CENPI: variants seen among roughly 807,000 people sequenced by gnomAD.
The protein encoded by CENPI is FSH primary response 1.
CENPI carries 4 observed loss-of-function variants against 60.4 expected under a neutral mutation model. The observed-to-expected ratio is 0.07, with a 90% CI of 0.03 to 0.15. The LOEUF (loss-of-function observed/expected upper bound fraction) is 0.15, where lower values mean the gene tolerates loss of function less well. Among genes scored for constraint, CENPI ranks in the 10% least tolerant of loss-of-function variants. The pLI is 1.00. For missense variants in CENPI, 444 were observed against 534.5 expected (o/e 0.83, Z 1.67); for synonymous variants, 157 against 189.4 (o/e 0.83, Z 1.40).
At chrX:101,157,764 T>C (rs1460012046) in intron 20 of CENPI, among the ~76,000 whole-genome samples, 5 of 109,630 alleles carry the variant, frequency 4.6e-5, no homozygotes, top group Non-Finnish European at 7.6e-5. Context: ...TTAGAGTAAA[T>C]GGGATATCTA....
In CENPI at chrX:101,140,600, G is replaced by T. The variant is rs989099769; in HGVS notation, c.1471-66G>T. 6.0e-5 allele frequency: 48 copies of T among 795,596 alleles called. No homozygotes were observed. The highest frequency in any genetic ancestry group is 2.8e-4 in the Middle Eastern group (1 of 3,510). The allele number at this position is 795,596 out of a possible 1,213,427, so 65.6% of individuals were successfully genotyped here. A position where few individuals can be genotyped will look rare whatever the true frequency, so the allele number is the denominator to read the frequency against. ...TGGTCCTTTTCATCTCTAAGCCTCT[G>T]TTAGTTCTGAACACTGTTATGTCTG... On this transcript the variant is annotated intron_variant, in intron 15 of 21. Transcript: ENST00000682095.
chrX:101,171,749 A>ATAGCT, the CENPI span, among the ~76,000 whole-genome samples: 1 of 112,097 alleles, frequency 8.9e-6, no homozygotes, highest in East Asian at 2.8e-4. Context: ...TAGATAAAAC[A>ATAGCT]TAGGAGTATA....
intron 8 of CENPI, among the ~76,000 whole-genome samples, chrX:101,120,995 C>A (rs949695960): frequency 9.2e-6 from 1 of 109,114 alleles, no homozygotes; most frequent in African/African-American, 3.4e-5. Context: ...CCTGCCTTAC[C>A]CTCCCGAGTA....
chrX:101,148,786 A>C (rs2089982947), intron 20 of CENPI, among the ~76,000 whole-genome samples: 2 of 111,846 alleles, frequency 1.8e-5, no homozygotes, highest in African/African-American at 6.5e-5. Context: ...ATACCCTGAA[A>C]GAATTTGGAC....
intron 16 of CENPI, chrX:101,141,195 A>G (rs1233534507): frequency 8.9e-6 from 1 of 112,426 alleles, no homozygotes; most frequent in Non-Finnish European, 1.9e-5. Flanking sequence ...GTGTTAATTT[A>G]TCTTAACTTT....
chrX:101,149,014 A>C (rs2089985139), intron 20 of CENPI, among the ~76,000 whole-genome samples: 1 of 111,527 alleles, frequency 9.0e-6, no homozygotes, highest in African/African-American at 3.3e-5. Flanking sequence ...AACAATAATA[A>C]GTGATGTAAT....
intron 20 of CENPI, among the ~76,000 whole-genome samples, chrX:101,157,138 C>A (rs2090060134): frequency 9.0e-6 from 1 of 111,682 alleles, no homozygotes; most frequent in Non-Finnish European, 1.9e-5. Flanking sequence ...GAAGGGTTCC[C>A]TTTTCACCGC....
intron 13 of CENPI, among the ~76,000 whole-genome samples, chrX:101,131,175 GTTTTTTGTAT>G (rs2089792316): frequency 9.7e-6 from 1 of 103,623 alleles, no homozygotes; most frequent in African/African-American, 3.6e-5. Flanking sequence ...TTGTGTGTTT[GTTTTTTGTAT>G]TTTTTTGTAA....
At chrX:101,105,130 G>A (rs974381385) in intron 4 of CENPI, among the ~76,000 whole-genome samples, 1 of 111,637 alleles carries the variant, frequency 9.0e-6, no homozygotes, top group Non-Finnish European at 1.9e-5. Context: ...CTTGTAGATG[G>A]TTTTAGATTA....
At chrX:101,100,810 T>G (rs2089406593) in intron 2 of CENPI, 1 of 348,660 alleles carries the variant, frequency 2.9e-6, no homozygotes, top group Non-Finnish European at 5.0e-6. Context: ...ACTGGTTTTT[T>G]CCACTAGAAA....
intron 8 of CENPI, 89 bp downstream of exon 8, chrX:101,120,873 G>GAT: frequency 3.2e-6 from 2 of 629,398 alleles, no homozygotes; most frequent in Non-Finnish European, 4.9e-6. Context: ...AATAACTCTT[G>GAT]ATCTTTTTTT....
chrX:101,107,404 T>C (rs1273647059), intron 4 of CENPI, among the ~76,000 whole-genome samples: 2 of 110,773 alleles, frequency 1.8e-5, no homozygotes, highest in Non-Finnish European at 3.8e-5. Context: ...TTGCCCAGGC[T>C]GGAGTGCAAT....
intron 20 of CENPI, among the ~76,000 whole-genome samples, chrX:101,150,738 C>T (rs1191521033): frequency 9.1e-6 from 1 of 110,460 alleles, no homozygotes; most frequent in African/African-American, 3.3e-5. Flanking sequence ...CTATGAAAAT[C>T]TCACTTCTGT....
chrX:101,180,464 G>A, the CENPI span, among the ~76,000 whole-genome samples: 1 of 111,920 alleles, frequency 8.9e-6, no homozygotes, highest in Non-Finnish European at 1.9e-5. Flanking sequence ...TGGGTTATTT[G>A]TCTTTTGGTT....
intron 4 of CENPI, among the ~76,000 whole-genome samples, chrX:101,105,300 G>A (rs1332071370): frequency 1.8e-5 from 2 of 111,328 alleles, no homozygotes; most frequent in South Asian, 3.7e-4. Flanking sequence ...CGAGGTGGGC[G>A]GATCACGAGA....
In CENPI at chrX:101,148,131, C is replaced by A; in HGVS notation, c.2064C>A (p.Phe688Leu). The change falls in exon 20 of 22, where the codon TTC (phenylalanine) becomes TTA (leucine). Residue 688 changes from phenylalanine to leucine, a missense_variant. By Grantham distance (22) the Phe-to-Leu change is conservative. Transcript: ENST00000682095. ...NSLNVVHHPS[F>L]LSYAVSFLLQ... ...TAAATGTAGTCCATCATCCTTCTTT[C>A]TTGAGTTACGCTGTTTCCTTTTTGC... The A allele has an allele frequency of 8.4e-7, 1 of 1,192,534 alleles. No homozygotes were observed. The highest frequency in any genetic ancestry group is 1.9e-5 in the South Asian group (1 of 53,468).
chrX:101,179,981 C>T, the CENPI span, among the ~76,000 whole-genome samples: 3 of 112,110 alleles, frequency 2.7e-5, no homozygotes, highest in Non-Finnish European at 5.6e-5. Flanking sequence ...TCTCCACATC[C>T]TTGCCAACTA....
intron 6 of CENPI, among the ~76,000 whole-genome samples, chrX:101,115,696 A>G (rs2089614495): frequency 8.9e-6 from 1 of 111,813 alleles, no homozygotes; most frequent in South Asian, 3.7e-4. Context: ...TTGGTGTATA[A>G]TTCATTGACA....
At chrX:101,120,960 C>T (rs1179839428) in intron 8 of CENPI, among the ~76,000 whole-genome samples, 176 bp downstream of exon 8, 1 of 108,037 alleles carries the variant, frequency 9.3e-6, no homozygotes, top group Non-Finnish European at 1.9e-5. Flanking sequence ...ACTGCAACCT[C>T]CGCCTCCCAG....
Sources: allele counts gnomAD v4.1 joint callset (sites outside exome capture counted in the v4.1 genomes callset), GRCh38; gene constraint gnomAD v4.1.1; transcripts MANE v1.5; gene names NCBI Gene and HGNC (gene_info 2026-07-23, HGNC 2026-07-21).